The following TRAPPC9 variants were observed in gnomAD, a reference collection of about 807,000 sequenced individuals.
TRAPPC9 encodes trafficking protein particle complex subunit 9, also known as IKK2 binding protein.
A neutral mutation model predicts 124.0 loss-of-function variants in TRAPPC9; 83 were observed. That is an observed-to-expected ratio of 0.67 (90% confidence interval 0.56 to 0.80). TRAPPC9 has a LOEUF of 0.80. TRAPPC9 is among the 30% of genes least tolerant of loss of function. The pLI is 0.00. For missense variants in TRAPPC9, 1,302 were observed against 1,508.3 expected, an observed-to-expected ratio of 0.86 and a Z score of 2.27; for synonymous variants, 638 against 617.5, an observed-to-expected ratio of 1.03 and a Z score of -0.49.
intron 21 of TRAPPC9, among the ~76,000 whole-genome samples, chr8:139,769,213 CTA>C (rs1820785805): frequency 1.3e-5 from 2 of 152,236 alleles, no homozygotes; most frequent in East Asian, 1.9e-4. Context: ...CCTATATACA[CTA>C]TGTTTTTTCC....
intron 4 of TRAPPC9, among the ~76,000 whole-genome samples, chr8:140,431,358 G>A (rs924073558): frequency 1.3e-5 from 2 of 151,992 alleles, no homozygotes; most frequent in African/African-American, 2.4e-5. Flanking sequence ...TCGGGAGGCT[G>A]AGGCAGGAGA....
intron 21 of TRAPPC9, among the ~76,000 whole-genome samples, chr8:139,749,985 A>G (rs1398999511): frequency 6.6e-6 from 1 of 152,150 alleles, no homozygotes; most frequent in Non-Finnish European, 1.5e-5. Context: ...AGAGACGACC[A>G]GGAGCTCACA....
At chr8:140,184,430 C>A (rs1005005384) in intron 17 of TRAPPC9, among the ~76,000 whole-genome samples, 26 of 151,896 alleles carry the variant, frequency 1.7e-4, no homozygotes, top group African/African-American at 5.1e-4. Flanking sequence ...CTCTTAAATA[C>A]CTTTATTATT....
chr8:140,210,111 CT>C (rs1376788191), intron 17 of TRAPPC9, among the ~76,000 whole-genome samples: 1 of 152,258 alleles, frequency 6.6e-6, no homozygotes, highest in Non-Finnish European at 1.5e-5. Flanking sequence ...CGCTCTTCTT[CT>C]GGCCTCGGCC....
intron 21 of TRAPPC9, among the ~76,000 whole-genome samples, chr8:139,753,062 A>AC (rs944777718): frequency 1.0e-4 from 13 of 129,580 alleles, no homozygotes; most frequent in African/African-American, 3.4e-4. Context: ...CCATCCACCC[A>AC]CCCACCCATC....
intron 2 of TRAPPC9, among the ~76,000 whole-genome samples, chr8:140,440,508 A>AAAAAG (rs1246208272): frequency 3.2e-4 from 49 of 152,084 alleles, no homozygotes; most frequent in Non-Finnish European, 5.0e-4. Flanking sequence ...CTCCCAAAAA[A>AAAAAG]AAAAGAAAAG....
At chr8:139,755,904 T>G (rs1479509986) in intron 21 of TRAPPC9, among the ~76,000 whole-genome samples, 74 of 53,764 alleles carry the variant, frequency 1.4e-3, no homozygotes, top group Admixed American at 2.1e-3. Flanking sequence ...GAGGACAGTG[T>G]GTCGCAGGAG....
intron 17 of TRAPPC9, among the ~76,000 whole-genome samples, chr8:140,035,064 GTAAACT>G (rs1442495054): frequency 6.6e-6 from 1 of 152,252 alleles, no homozygotes; most frequent in Non-Finnish European, 1.5e-5. Context: ...CTGGAGGAGG[GTAAACT>G]GTGGAAGGGA....
chr8:140,363,207 T>G (rs1009847164), intron 8 of TRAPPC9, among the ~76,000 whole-genome samples: 1 of 152,230 alleles, frequency 6.6e-6, no homozygotes, highest in African/African-American at 2.4e-5. Context: ...TCAAAAATCT[T>G]CATATACAGC....
intron 19 of TRAPPC9, among the ~76,000 whole-genome samples, chr8:139,928,377 A>G (rs1832930856): frequency 6.6e-6 from 1 of 152,168 alleles, no homozygotes; most frequent in Non-Finnish European, 1.5e-5. Flanking sequence ...CTGTAATCCC[A>G]GCTACTCAGG....
At chr8:139,988,622 C>T in intron 19 of TRAPPC9, 104 bp downstream of exon 19, 1 of 764,680 alleles carries the variant, frequency 1.3e-6, no homozygotes, top group East Asian at 2.7e-5. Flanking sequence ...GACAAACTGC[C>T]CATCCTCTGA....
At chr8:140,448,673 C>T (rs767158948) in intron 2 of TRAPPC9, among the ~76,000 whole-genome samples, 1 of 152,220 alleles carries the variant, frequency 6.6e-6, no homozygotes, top group East Asian at 1.9e-4. Context: ...CACTCCCTGC[C>T]GACCTGGCAG....
At chr8:140,297,185 C>T (rs992956803) in intron 11 of TRAPPC9, among the ~76,000 whole-genome samples, 3 of 152,178 alleles carry the variant, frequency 2.0e-5, no homozygotes, top group African/African-American at 7.2e-5. Context: ...CCACGTCTAC[C>T]CAGCGCCTAC....
At chr8:139,991,088 A>C (rs2131723691) in intron 18 of TRAPPC9, among the ~76,000 whole-genome samples, 1 of 152,320 alleles carries the variant, frequency 6.6e-6, no homozygotes, top group East Asian at 1.9e-4. Flanking sequence ...AGCTTCCGAG[A>C]ATGAAGATCT....
chr8:140,183,703 A>C (rs2062259941), intron 17 of TRAPPC9, among the ~76,000 whole-genome samples: 1 of 151,318 alleles, frequency 6.6e-6, no homozygotes, highest in African/African-American at 2.4e-5. Context: ...AAAAATACAA[A>C]AATTAGCTGG....
intron 16 of TRAPPC9, among the ~76,000 whole-genome samples, chr8:140,225,659 G>A (rs1473872192): frequency 6.6e-6 from 1 of 152,176 alleles, no homozygotes; most frequent in Non-Finnish European, 1.5e-5. Flanking sequence ...AGGTCAAGCG[G>A]ACCTCTAAGC....
chr8:140,009,270 T>C (rs570386945), intron 18 of TRAPPC9, among the ~76,000 whole-genome samples: 2 of 152,332 alleles, frequency 1.3e-5, no homozygotes, highest in East Asian at 3.9e-4. Flanking sequence ...ATGGTGCTCT[T>C]GTTATAACAG....
At chr8:139,797,884 T>A (rs1033057036) in intron 21 of TRAPPC9, among the ~76,000 whole-genome samples, 1 of 152,218 alleles carries the variant, frequency 6.6e-6, no homozygotes, top group African/African-American at 2.4e-5. Context: ...AGCACCACAT[T>A]GTCTTGATTA....
At chr8:140,068,862 C>A (rs1481949459) in intron 17 of TRAPPC9, among the ~76,000 whole-genome samples, 1 of 152,188 alleles carries the variant, frequency 6.6e-6, no homozygotes, top group Non-Finnish European at 1.5e-5. Flanking sequence ...TGTGTCAATG[C>A]AAGTTTGATT....
Sources: gnomAD v4.1 joint callset for allele counts (sites outside exome capture counted in the v4.1 genomes callset) on GRCh38, gnomAD v4.1.1 for gene constraint, MANE v1.5 for transcripts, NCBI Gene and HGNC (gene_info 2026-07-23, HGNC 2026-07-21) for gene names.